Variants in STK32C observed in about 807,000 individuals in gnomAD.
The protein encoded by STK32C is serine/threonine kinase 32C.
STK32C carries 31 observed loss-of-function variants against 56.5 expected under a neutral mutation model. The ratio of observed to expected loss-of-function variants is 0.55; its 90% CI spans 0.41 to 0.74. The LOEUF (loss-of-function observed/expected upper bound fraction) is 0.74. Ranked by LOEUF, STK32C falls within the 30% of genes least tolerant of loss-of-function variation. STK32C has a pLI of 0.00. For missense variants in STK32C, 544 were observed against 676.9 expected (o/e 0.80, Z 2.18); for synonymous variants, 309 against 289.4 (o/e 1.07, Z -0.69).
intron 1 of STK32C, among the ~76,000 whole-genome samples, chr10:132,306,645 G>A (rs576299189): frequency 1.3e-5 from 2 of 152,218 alleles, no homozygotes; most frequent in African/African-American, 4.8e-5. Context: ...AATTTTGAAG[G>A]ATCCATCATA....
At chr10:132,257,970 A>T (rs1172219342) in intron 1 of STK32C, among the ~76,000 whole-genome samples, 1 of 152,174 alleles carries the variant, frequency 6.6e-6, no homozygotes, top group Non-Finnish European at 1.5e-5. Flanking sequence ...GGCTCTCCTC[A>T]GTGCACGGAC....
exon 1 of STK32C, chr10:132,331,534 G>A (rs1331042961): frequency 6.2e-7 from 1 of 1,612,816 alleles, no homozygotes; most frequent in Admixed American, 1.7e-5. Flanking sequence ...AAGTCCTGAG[G>A]CAAGATTTGG....
At chr10:132,210,402 G>A (rs2062253516) in intron 10 of STK32C, among the ~76,000 whole-genome samples, 1 of 152,182 alleles carries the variant, frequency 6.6e-6, no homozygotes, top group Non-Finnish European at 1.5e-5. Flanking sequence ...GATTACAGGT[G>A]CCCACCACCA....
chr10:132,297,755 G>GACTCGGGTGGTT, intron 1 of STK32C, among the ~76,000 whole-genome samples: 1 of 152,310 alleles, frequency 6.6e-6, no homozygotes, highest in South Asian at 2.1e-4. Flanking sequence ...AGAGCTCCGA[G>GACTCGGGTGGTT]ACTCCCCGGC....
At chr10:132,279,672 G>GACTCCGTGATCACGACACTC (rs2065095563) in intron 1 of STK32C, among the ~76,000 whole-genome samples, 1 of 71,494 alleles carries the variant, frequency 1.4e-5, no homozygotes. Context: ...TCAAGCCACT[G>GACTCCGTGATCACGACACTC]CACTCCGTGA....
Position 132,207,969 on chromosome 10 carries a change from T to C in STK32C, c.*41A>G. The C allele has an allele frequency of 7.8e-7, 1 of 1,288,852 alleles. No homozygotes were observed. The highest frequency in any genetic ancestry group is 9.9e-7 in the Non-Finnish European group (1 of 1,011,956). The allele number at this position is 1,288,852 out of a possible 1,614,324, so 79.8% of individuals were successfully genotyped here. On this transcript the variant is annotated 3_prime_UTR_variant, in exon 12 of 12. Transcript: ENST00000298630. The stretch of plus-strand genomic sequence containing the variant: ...TGGCCCTCCCTCTGGCAGCCGAGTC[T>C]CCAAAGCAGCTCAAGGGGTGAGGAC...
chr10:132,277,270 G>C (rs369647300), intron 1 of STK32C, among the ~76,000 whole-genome samples: 5 of 152,286 alleles, frequency 3.3e-5, no homozygotes, highest in East Asian at 3.9e-4. Context: ...GCTGGAGAGA[G>C]AGCCAGGGAG....
chr10:132,303,127 G>A (rs534842691), intron 1 of STK32C, among the ~76,000 whole-genome samples: 12 of 152,358 alleles, frequency 7.9e-5, no homozygotes, highest in East Asian at 1.9e-4. Context: ...CAGCAAGGGC[G>A]CAGCCTGCCT....
At chr10:132,241,273 G>A (rs531813864) in intron 2 of STK32C, among the ~76,000 whole-genome samples, 10 of 152,348 alleles carry the variant, frequency 6.6e-5, no homozygotes, top group South Asian at 2.1e-4. Flanking sequence ...AGAGGACGCC[G>A]ACTGCCCCTT....
At chr10:132,305,221 A>G (rs1353014058) in intron 1 of STK32C, among the ~76,000 whole-genome samples, 1 of 152,234 alleles carries the variant, frequency 6.6e-6, no homozygotes, top group African/African-American at 2.4e-5. Context: ...CTGGCATGAC[A>G]AAGACGTGCA....
upstream of STK32C, chr10:132,331,854 C>T (rs554325441): frequency 4.9e-6 from 7 of 1,426,964 alleles, no homozygotes; most frequent in African/African-American, 2.8e-5. Context: ...ACGGATGCTA[C>T]CGTTGGCCGC....
At chr10:132,224,331 G>A (rs946832878) in intron 8 of STK32C, 76 bp downstream of exon 8, 1 of 1,067,340 alleles carries the variant, frequency 9.4e-7, no homozygotes, top group African/African-American at 1.6e-5. Flanking sequence ...ACTGGAGGGG[G>A]TGTCCCGAGC....
rs993154480 is a variant in STK32C, at chr10:132,245,732, C to T, written c.318+168G>A. Reference sequence around the variant, plus strand: ...TGATGGCGGCACAGCCAGCTGCCTCCGTGGCAGGAGTGCCCACGTCCTCCC... The same window carrying T: ...TGATGGCGGCACAGCCAGCTGCCTCTGTGGCAGGAGTGCCCACGTCCTCCC... On this transcript the variant is annotated intron_variant, in intron 2 of 11. Transcript: ENST00000298630. Among the ~76,000 whole-genome samples the T allele has an allele frequency of 2.6e-5, 4 of 152,360 alleles. No individual in the cohort carries two copies. The South Asian group carries it at 6.2e-4, about 24-fold the overall frequency.
At chr10:132,328,009 A>T (rs907797102) in intron 1 of STK32C, among the ~76,000 whole-genome samples, 4 of 152,132 alleles carry the variant, frequency 2.6e-5, no homozygotes, top group Non-Finnish European at 5.9e-5. Flanking sequence ...CAGGGCTGGA[A>T]TAAGTCTCTT....
chr10:132,222,608 G>C (rs745622860), intron 10 of STK32C, 33 bp downstream of exon 10: 1 of 1,606,008 alleles, frequency 6.2e-7, no homozygotes, highest in South Asian at 1.1e-5. Flanking sequence ...AGCCCAGCCC[G>C]CCGCCGCGCC....
chr10:132,325,626 C>T (rs1369982821), intron 1 of STK32C, among the ~76,000 whole-genome samples: 1 of 152,076 alleles, frequency 6.6e-6, no homozygotes, highest in African/African-American at 2.4e-5. Flanking sequence ...ACTTGCTCCT[C>T]CTTGCCTTCC....
At chr10:132,268,463 C>T (rs2064678859) in intron 1 of STK32C, among the ~76,000 whole-genome samples, 1 of 138,154 alleles carries the variant, frequency 7.2e-6, no homozygotes, top group South Asian at 2.5e-4. Context: ...ATGCATGTCC[C>T]ACATCGTGTG....
At position 132,207,875 on chromosome 10, in the gene STK32C, A is replaced by G; in HGVS notation, c.*135T>C. On this transcript the variant is annotated 3_prime_UTR_variant, in exon 12 of 12. Coordinates refer to ENST00000298630, the MANE Select transcript of STK32C (RefSeq NM_173575.4). Reference sequence around the variant, plus strand: ...CACCACCACGAGCCTGAGGTGTGAAATGTGTCCGGGGCACTGTGGGCACCG... The same window carrying G: ...CACCACCACGAGCCTGAGGTGTGAAGTGTGTCCGGGGCACTGTGGGCACCG... The G allele has an allele frequency of 9.4e-7, 1 of 1,061,256 alleles. No homozygotes were observed. Among genetic ancestry groups the G allele is most frequent in the Non-Finnish European group, 1.2e-6 (1 of 829,556 alleles). 65.7% of individuals were successfully genotyped at this position (1,061,256 alleles called of 1,614,324 possible). A position where few individuals can be genotyped will look rare whatever the true frequency, so the allele number is the denominator to read the frequency against.
At position 132,307,742 on chromosome 10, in the gene STK32C, G is replaced by A; in HGVS notation, c.92C>T (p.Ala31Val). 1.8e-6 allele frequency: 2 copies of A among 1,094,420 alleles called. No individual in the cohort carries two copies. Among genetic ancestry groups the A allele is most frequent in the Non-Finnish European group, 2.2e-6 (2 of 900,524 alleles). 67.8% of individuals were successfully genotyped at this position (1,094,420 alleles called of 1,614,324 possible). A position where few individuals can be genotyped will look rare whatever the true frequency, so the allele number is the denominator to read the frequency against. Residue 31 changes from alanine (A) to valine (V), a missense_variant, in exon 1 of 12, where the codon GCG (alanine) becomes GTG (valine). This residue lies in a region of STK32C where 182 missense variants were observed against 217.7 expected (regional missense o/e 0.84). Transcript: ENST00000298630. The surrounding 1 kb of genome is among the most constrained non-coding windows in gnomAD (Gnocchi z 4.4). ...AGCGGGCGGCGGCAGGGCCGAGGGC[G>A]CGTCGGAGCCGGCGGGGCGCGCGCG... ...PGRARPAGSD[A>V]PSALPPPAAG...
Sources: gnomAD v4.1 joint callset for allele counts (sites outside exome capture counted in the v4.1 genomes callset) on GRCh38, gnomAD v4.1.1 for gene constraint, gnomAD v4.1.1 regional missense constraint, Gnocchi (gnomAD v3.1) non-coding constraint, MANE v1.5 for transcripts, NCBI Gene and HGNC (gene_info 2026-07-23, HGNC 2026-07-21) for gene names.